Variants in LRP1B observed in about 807,000 individuals in gnomAD.
The protein encoded by LRP1B is low-density lipoprotein receptor-related protein 1B.
Under a neutral mutation model 556.6 loss-of-function variants are expected in LRP1B, and 217 were observed. The observed-to-expected ratio is 0.39, with a 90% confidence interval of 0.35 to 0.44. The LOEUF is 0.44. LRP1B is among the 20% of genes least tolerant of loss of function. The probability of loss-of-function intolerance (pLI) is 1.00; values close to 1 mark genes in which losing one functional copy is unlikely to be tolerated. For synonymous variants in LRP1B, 2,047 were observed against 1,865.8 expected, an observed-to-expected ratio of 1.10 and a Z score of -2.50; for missense variants, 5,053 against 5,620.8, an observed-to-expected ratio of 0.90 and a Z score of 3.23.
At chr2:140,527,364 G>T (rs980492038) in intron 47 of LRP1B, among the ~76,000 whole-genome samples, 1 of 151,794 alleles carries the variant, frequency 6.6e-6, no homozygotes, top group African/African-American at 2.4e-5. Context: ...TTTTACTAGT[G>T]TTGATATTTT....
chr2:141,609,627 A>G (rs1688035169), intron 2 of LRP1B, among the ~76,000 whole-genome samples: 1 of 152,198 alleles, frequency 6.6e-6, no homozygotes, highest in South Asian at 2.1e-4. Context: ...CAATTCATAA[A>G]AATTTAACAA....
rs542045450 is a variant in LRP1B at position 140,275,138 on chromosome 2, CAGA to C, written c.12968-543_12968-541del. Among the ~76,000 whole-genome samples the C allele has an allele frequency of 6.3e-3, 955 of 152,090 alleles. 9 individuals carry two copies. The highest frequency in any genetic ancestry group is 0.021 in the African/African-American group (865 of 41,534). On this transcript the variant is annotated intron_variant, in intron 84 of 90. Transcript: ENST00000389484. ...AAACCAACAAACTGTGTATGCCACCCAGAAGGACTGCTGAGAGCAGTCAATGAT... is the reference window on the plus strand; with the variant it reads ...AAACCAACAAACTGTGTATGCCACCCAGGACTGCTGAGAGCAGTCAATGAT...
At chr2:140,841,515 G>C (rs1421620605) in intron 29 of LRP1B, among the ~76,000 whole-genome samples, 1 of 152,092 alleles carries the variant, frequency 6.6e-6, no homozygotes, top group African/African-American at 2.4e-5. Flanking sequence ...GTGCCAATTT[G>C]TTACTAAAAT....
At chr2:142,070,425 C>G (rs1705267868) in intron 1 of LRP1B, among the ~76,000 whole-genome samples, 1 of 151,794 alleles carries the variant, frequency 6.6e-6, no homozygotes, top group Non-Finnish European at 1.5e-5. Flanking sequence ...CAGTAAATGG[C>G]AAACTTGGGT....
At chr2:141,642,180 C>T (rs954270935) in intron 2 of LRP1B, among the ~76,000 whole-genome samples, 3 of 152,042 alleles carry the variant, frequency 2.0e-5, no homozygotes, top group Non-Finnish European at 2.9e-5. Context: ...TATTGATATA[C>T]ACAAATAGGG....
chr2:140,456,458 G>C lies in LRP1B; in HGVS notation c.9960C>G (p.Ser3320Arg), dbSNP rs367580575. 1 of 1,612,318 alleles carries C rather than the reference G, an allele frequency of 6.2e-7. No homozygotes were observed. Among genetic ancestry groups the C allele is most frequent in the Non-Finnish European group, 8.5e-7 (1 of 1,179,028 alleles). Residue 3320 changes from serine (S) to arginine (R), a missense_variant, in exon 62 of 91, where the codon AGC becomes AGG. This residue lies in a region of LRP1B where 262 missense variants were observed against 395.1 expected (regional missense o/e 0.66). Coordinates refer to ENST00000389484, the MANE Select transcript of LRP1B (RefSeq NM_018557.3). ...AGATTCCCAGACCTCCACTCACCTG[G>C]CTGGCTGTGCAGTTGGATAAGCAAG... ...NRTCLSNCTA[S>R]QFRCKTDKCI...
intron 10 of LRP1B, among the ~76,000 whole-genome samples, chr2:141,052,721 T>A (rs1172162686): frequency 2.6e-5 from 4 of 152,066 alleles, no homozygotes; most frequent in African/African-American, 7.2e-5. Flanking sequence ...TATTGCAACC[T>A]CTGCCACCTG....
chr2:141,175,753 G>T (rs941609256), intron 7 of LRP1B, among the ~76,000 whole-genome samples: 1 of 152,014 alleles, frequency 6.6e-6, no homozygotes, highest in Admixed American at 6.6e-5. Context: ...TCCTCCAGAC[G>T]CCAGAATGGA....
At chr2:141,388,295 G>A (rs1689909606) in intron 3 of LRP1B, among the ~76,000 whole-genome samples, 2 of 152,086 alleles carry the variant, frequency 1.3e-5, no homozygotes, top group Admixed American at 6.5e-5. Context: ...TATTAGCTGG[G>A]TATGGTGGTG....
At chr2:140,838,661 T>C (rs180925182) in intron 31 of LRP1B, among the ~76,000 whole-genome samples, 87 of 152,266 alleles carry the variant, frequency 5.7e-4, no homozygotes, top group African/African-American at 2.0e-3. Flanking sequence ...TCAAAAAATG[T>C]ATAGTATTCA....
chr2:141,966,591 T>C (rs1051507532), intron 1 of LRP1B, among the ~76,000 whole-genome samples: 1 of 151,584 alleles, frequency 6.6e-6, no homozygotes, highest in African/African-American at 2.4e-5. Context: ...TTTTTTTCAA[T>C]TGATGACTCA....
At chr2:140,471,125 A>G (rs1211603503) in intron 60 of LRP1B, among the ~76,000 whole-genome samples, 1 of 152,152 alleles carries the variant, frequency 6.6e-6, no homozygotes, top group Middle Eastern at 3.2e-3. Flanking sequence ...GTATTTAAAA[A>G]CTGAATATTT....
At chr2:141,829,665 C>T (rs1349737449) in intron 1 of LRP1B, among the ~76,000 whole-genome samples, 2 of 151,916 alleles carry the variant, frequency 1.3e-5, no homozygotes, top group Non-Finnish European at 2.9e-5. Context: ...CTGAACACCT[C>T]GTATTTTTTT....
intron 11 of LRP1B, among the ~76,000 whole-genome samples, chr2:141,043,035 TACAA>T (rs201423584): frequency 0.077 from 2,711 of 35,394 alleles, 129 homozygotes; most frequent in East Asian, 0.47. Context: ...CTACAAAAAA[TACAA>T]AAAAAAAAAA....
chr2:141,694,775 A>G (rs1691676084), intron 2 of LRP1B, among the ~76,000 whole-genome samples: 1 of 152,044 alleles, frequency 6.6e-6, no homozygotes, highest in Non-Finnish European at 1.5e-5. Flanking sequence ...ACCAAATGGC[A>G]ATGGATGAGA....
chr2:140,358,650 G>A (rs1236988414), intron 73 of LRP1B, among the ~76,000 whole-genome samples, 171 bp downstream of exon 73: 3 of 151,638 alleles, frequency 2.0e-5, no homozygotes, highest in Admixed American at 6.6e-5. Flanking sequence ...ACACCTATAA[G>A]GCAAATGAAA....
At chr2:141,361,804 T>A (rs1382122641) in intron 3 of LRP1B, among the ~76,000 whole-genome samples, 1 of 152,198 alleles carries the variant, frequency 6.6e-6, no homozygotes, top group Admixed American at 6.5e-5. Context: ...TCCAGACCCT[T>A]GTTAAAACAA....
chr2:141,901,531 T>C (rs1225589551), intron 1 of LRP1B, among the ~76,000 whole-genome samples: 1 of 152,118 alleles, frequency 6.6e-6, no homozygotes, highest in East Asian at 1.9e-4. Flanking sequence ...ATATTTATTC[T>C]TAAATAATAA....
intron 25 of LRP1B, among the ~76,000 whole-genome samples, chr2:140,870,594 A>C (rs1329627180): frequency 6.6e-6 from 1 of 152,170 alleles, no homozygotes; most frequent in Non-Finnish European, 1.5e-5. Context: ...CTTTGCTCTT[A>C]CAGTAGTAAT....
Sources: allele counts gnomAD v4.1 joint callset (sites outside exome capture counted in the v4.1 genomes callset), GRCh38; gene constraint gnomAD v4.1.1; regional missense constraint gnomAD v4.1.1; transcripts MANE v1.5; gene names NCBI Gene and HGNC (gene_info 2026-07-23, HGNC 2026-07-21).